The following FARP2 variants were observed in gnomAD, a reference collection of about 807,000 sequenced individuals.
FARP2 encodes the protein FERM, ARHGEF and pleckstrin domain-containing protein 2.
FARP2 carries 111 observed loss-of-function variants against 130.5 expected under a neutral mutation model. That is an observed-to-expected ratio of 0.85 (90% CI 0.73 to 1.00). The LOEUF (loss-of-function observed/expected upper bound fraction) is 1.00. FARP2 is among the 50% of genes least tolerant of loss of function. The pLI is 0.00. For missense variants in FARP2, 1,385 were observed against 1,346.3 expected, an observed-to-expected ratio of 1.03 and a Z score of -0.45; for synonymous variants, 504 against 516.9, an observed-to-expected ratio of 0.98 and a Z score of 0.34.
chr2:241,446,680 C>A (rs1159505448), intron 13 of FARP2: 3 of 152,168 alleles, frequency 2.0e-5, no homozygotes, highest in African/African-American at 7.2e-5. Context: ...AAAATTATTT[C>A]ATAGACAAAA....
rs1182371596 is a variant in FARP2, at chr2:241,466,700, C to G, written c.1894-1440C>G. On this transcript the variant is annotated intron_variant, in intron 17 of 26. Coordinates refer to ENST00000264042, the MANE Select transcript of FARP2 (RefSeq NM_014808.4). ...CTCCCCTTCCAACCACCCCCCCCCCCACCACCACCACCCGTACCCTCCTAG... is the reference window on the plus strand; with the variant it reads ...CTCCCCTTCCAACCACCCCCCCCCCGACCACCACCACCCGTACCCTCCTAG... 19 of 586,290 alleles carry G rather than the reference C, an allele frequency of 3.2e-5. No individual in the cohort carries two copies. In the South Asian group the frequency reaches 1.1e-3, roughly 33 times the overall value. The allele number at this position is 586,290 out of a possible 1,614,324, so 36.3% of individuals were successfully genotyped here. A position where few individuals can be genotyped will look rare whatever the true frequency, so the allele number is the denominator to read the frequency against.
intron 8 of FARP2, among the ~76,000 whole-genome samples, chr2:241,422,260 CA>C (rs1198628886): frequency 0.26 from 23,759 of 91,954 alleles, 1,919 homozygotes; most frequent in African/African-American, 0.34. Context: ...ACTAAAAATA[CA>C]AAAAAAAAAA....
In FARP2 at chr2:241,436,493, G is replaced by T. The variant is rs2063233278; in HGVS notation, c.1113G>T (p.Lys371Asn). 6.2e-7 allele frequency: 1 copy of T among 1,614,222 alleles called. No individual in the cohort carries two copies. Among genetic ancestry groups the T allele is most frequent in the African/African-American group, 1.3e-5 (1 of 75,056 alleles). ...CTCTGTTTTGCAGAAGGCACAGCAA[G>T]ACCCACACGTCCGTTCGAGCTCTGA... ...KRIPYERRHS[K>N]THTSVRALTA... Residue 371 changes from lysine to asparagine, a missense_variant, in exon 12 of 27, where the codon AAG becomes AAT. Physicochemically the swap from Lys to Asn is moderately conservative, Grantham distance 94 (BLOSUM62 0). Coordinates refer to ENST00000264042, the MANE Select transcript of FARP2 (RefSeq NM_014808.4).
Position 241,379,490 on chromosome 2 carries a change from TTTTC to T in FARP2, c.183+6208_183+6211del, listed in dbSNP as rs1366961752. On this transcript the variant is annotated intron_variant, in intron 2 of 26. Transcript: ENST00000264042. Reference sequence around the variant, plus strand: ...TCACAGTTGTTAGGGTGGACTTTCCTTTTCTTTCTTTTTTTCTTTAGAATTGCAG... The same window carrying T: ...TCACAGTTGTTAGGGTGGACTTTCCTTTTCTTTTTTTCTTTAGAATTGCAG... Among the ~76,000 whole-genome samples the T allele has an allele frequency of 2.9e-4, 44 of 152,234 alleles. 1 individual carries two copies. Among genetic ancestry groups the T allele is most frequent in the Non-Finnish European group, 8.8e-5 (6 of 68,034 alleles).
intron 12 of FARP2, among the ~76,000 whole-genome samples, chr2:241,437,180 C>G (rs1341491422): frequency 6.6e-6 from 1 of 152,214 alleles, no homozygotes; most frequent in African/African-American, 2.4e-5. Flanking sequence ...TGGAGAAATT[C>G]TTGCTGTTAT....
chr2:241,432,039 C>T (rs1372147048), intron 9 of FARP2, among the ~76,000 whole-genome samples: 1 of 152,058 alleles, frequency 6.6e-6, no homozygotes, highest in African/African-American at 2.4e-5. Context: ...AGGCTGGTCT[C>T]GAACTCCTGA....
At chr2:241,466,285 G>T (rs942008382) in intron 17 of FARP2, 1 of 985,316 alleles carries the variant, frequency 1.0e-6, no homozygotes, top group African/African-American at 1.7e-5. Context: ...GTGAGTCCCG[G>T]AGTAGTGCTT....
Position 241,441,816 on chromosome 2 carries a change from C to T in FARP2, c.1411+260C>T, listed in dbSNP as rs936242277. On this transcript the variant is annotated intron_variant, in intron 13 of 26. Coordinates refer to ENST00000264042, the MANE Select transcript of FARP2 (RefSeq NM_014808.4). ...TGCAGGTATCTGAGGAGTTCATAGA[C>T]GATGACCCAGCAGACATCTCCTTCT... is the stretch of plus-strand genomic sequence containing the variant. The T allele has an allele frequency of 5.2e-6, 3 of 579,194 alleles. No homozygotes were observed. In the African/African-American group the frequency reaches 5.6e-5, roughly 11 times the overall value. 35.9% of individuals were successfully genotyped at this position (579,194 alleles called of 1,614,324 possible). A position where few individuals can be genotyped will look rare whatever the true frequency, so the allele number is the denominator to read the frequency against.
In FARP2 at chr2:241,493,396, A is replaced by G. The variant is rs372902205; in HGVS notation, c.2999A>G (p.Lys1000Arg). 2 of 1,613,866 alleles carry G rather than the reference A, an allele frequency of 1.2e-6. No individual in the cohort carries two copies. The highest frequency in any genetic ancestry group is 1.3e-5 in the African/African-American group (1 of 74,932). Residue 1000 changes from lysine (K) to arginine (R), a missense_variant, in exon 26 of 27, where the codon AAA becomes AGA. Physicochemically the swap from Lys to Arg is conservative, Grantham distance 26. Transcript: ENST00000264042. ...GACTATGTTTTCAAGCTCCAGTTCA[A>G]ATCCCACGTCTACTTCTTCCGGGCT... is the stretch of plus-strand genomic sequence containing the variant. Reference protein sequence around the residue: ...HKDYVFKLQFKSHVYFFRAES... With the variant: ...HKDYVFKLQFRSHVYFFRAES...
At chr2:241,410,779 C>T (rs1315910441) in intron 5 of FARP2, among the ~76,000 whole-genome samples, 3 of 152,232 alleles carry the variant, frequency 2.0e-5, no homozygotes, top group Admixed American at 2.0e-4. Context: ...GTGTTCAGCA[C>T]TTCCTTTGCG....
intron 2 of FARP2, among the ~76,000 whole-genome samples, chr2:241,398,069 G>T (rs551216275): frequency 2.0e-5 from 3 of 151,810 alleles, no homozygotes; most frequent in Admixed American, 6.6e-5. Flanking sequence ...CTGACCTCGT[G>T]ATCCGCCCGC....
At chr2:241,357,540 C>CA (rs1182631936) in intron 1 of FARP2, among the ~76,000 whole-genome samples, 1 of 152,056 alleles carries the variant, frequency 6.6e-6, no homozygotes. Flanking sequence ...TTCAGTTTTC[C>CA]AAAACTCTTC....
intron 2 of FARP2, among the ~76,000 whole-genome samples, chr2:241,375,166 T>A (rs1323944314): frequency 6.6e-6 from 1 of 152,122 alleles, no homozygotes; most frequent in Non-Finnish European, 1.5e-5. Context: ...TTAGCCAGTA[T>A]GGTCTCGATC....
At chr2:241,464,878 T>C (rs2064128466) in intron 17 of FARP2, among the ~76,000 whole-genome samples, 1 of 151,964 alleles carries the variant, frequency 6.6e-6, no homozygotes, top group Non-Finnish European at 1.5e-5. Flanking sequence ...CAGGGCAATG[T>C]CCAGGGCCCC....
intron 3 of FARP2, 117 bp from the exon 4 acceptor site, chr2:241,404,682 C>A: frequency 1.4e-6 from 1 of 728,406 alleles, no homozygotes; most frequent in South Asian, 1.8e-5. Context: ...GGGGTAGAGT[C>A]AAAATTTTCC....
At chr2:241,487,352 G>GT (rs1325359883) in intron 21 of FARP2, among the ~76,000 whole-genome samples, 1 of 152,154 alleles carries the variant, frequency 6.6e-6, no homozygotes, top group Non-Finnish European at 1.5e-5. Flanking sequence ...TAAACCCATT[G>GT]TAAGAGGAAA....
At chr2:241,394,811 C>T (rs1200213109) in intron 2 of FARP2, among the ~76,000 whole-genome samples, 1 of 152,182 alleles carries the variant, frequency 6.6e-6, no homozygotes, top group Non-Finnish European at 1.5e-5. Context: ...GGCTCTCCCT[C>T]TCATCTGTGG....
intron 1 of FARP2, among the ~76,000 whole-genome samples, chr2:241,370,597 C>G (rs900984014): frequency 6.6e-6 from 1 of 152,036 alleles, no homozygotes; most frequent in Non-Finnish European, 1.5e-5. Context: ...CAATTATGCA[C>G]TCATAAAAAT....
At chr2:241,398,865 A>G (rs2062093954) in intron 2 of FARP2, among the ~76,000 whole-genome samples, 1 of 152,164 alleles carries the variant, frequency 6.6e-6, no homozygotes, top group African/African-American at 2.4e-5. Flanking sequence ...CACCGCATCC[A>G]ACCAGACATT....
Sources: allele counts gnomAD v4.1 joint callset (sites outside exome capture counted in the v4.1 genomes callset), GRCh38; gene constraint gnomAD v4.1.1; transcripts MANE v1.5; gene names NCBI Gene and HGNC (gene_info 2026-07-23, HGNC 2026-07-21).